Variants in CNTN4 observed in about 807,000 individuals in gnomAD.
CNTN4 encodes the protein contactin-4.
A neutral mutation model predicts 122.5 loss-of-function variants in CNTN4; 77 were observed. The observed-to-expected ratio is 0.63, with a 90% confidence interval of 0.52 to 0.76. The LOEUF is 0.76. Among genes scored for constraint, CNTN4 ranks in the 30% least tolerant of loss-of-function variants. The pLI, the probability that CNTN4 is intolerant of heterozygous loss-of-function variation, is 0.00. For missense variants in CNTN4, 1,256 were observed against 1,259.1 expected (o/e 1.00, Z 0.04); for synonymous variants, 512 against 447.0 (o/e 1.15, Z -1.83).
rs1014291363 is a variant in CNTN4 at position 2,570,703 on chromosome 3, C to T, written c.-88-713C>T. ...CTGCCCACAGCTTCACTCAGTTACT[C>T]ACTTTGTAGCTTTTGGTAAAGGTAA... On this transcript the variant is annotated intron_variant, in intron 3 of 24. Transcript: ENST00000418658. Among the ~76,000 whole-genome samples, 7 of 152,244 alleles carry T rather than the reference C, an allele frequency of 4.6e-5. No individual in the cohort carries two copies. The East Asian group carries it at 1.4e-3, about 29-fold the overall frequency.
At chr3:3,008,160 G>A (rs893790617) in intron 14 of CNTN4, among the ~76,000 whole-genome samples, 1 of 151,680 alleles carries the variant, frequency 6.6e-6, no homozygotes, top group South Asian at 2.1e-4. Context: ...ATTCTTGGGA[G>A]GGATAATTTT....
At chr3:2,657,929 T>C (rs1266047011) in intron 4 of CNTN4, among the ~76,000 whole-genome samples, 4 of 151,198 alleles carry the variant, frequency 2.6e-5, no homozygotes, top group Non-Finnish European at 5.9e-5. Context: ...TATTCCGGCT[T>C]GTTCTGACAC....
intron 6 of CNTN4, among the ~76,000 whole-genome samples, chr3:2,807,642 C>T (rs1467076553): frequency 6.6e-6 from 1 of 152,152 alleles, no homozygotes. Flanking sequence ...TTTGATTTCC[C>T]TAAAATAGCT....
chr3:2,482,956 G>C (rs896644644), intron 3 of CNTN4, among the ~76,000 whole-genome samples: 1 of 152,218 alleles, frequency 6.6e-6, no homozygotes, highest in Non-Finnish European at 1.5e-5. Flanking sequence ...AGTCCCCACT[G>C]TGGCACTGCC....
chr3:2,728,440 C>G (rs1215046557), intron 4 of CNTN4, among the ~76,000 whole-genome samples: 2 of 152,134 alleles, frequency 1.3e-5, no homozygotes, highest in Non-Finnish European at 2.9e-5. Flanking sequence ...CATTGGGTTC[C>G]CCCTTGGTGT....
At chr3:2,126,075 A>G (rs1421422326) in intron 2 of CNTN4, among the ~76,000 whole-genome samples, 1 of 152,128 alleles carries the variant, frequency 6.6e-6, no homozygotes. Context: ...TCCATTGTGT[A>G]TGGAATCCTG....
Position 2,263,895 on chromosome 3 carries a change from C to A in CNTN4, c.-144-75283C>A, listed in dbSNP as rs78902830. 1.3e-4 allele frequency among the ~76,000 whole-genome samples: 17 copies of A among 129,798 alleles called. No individual in the cohort carries two copies. The East Asian group carries it at 3.5e-3, about 26-fold the overall frequency. The allele number at this position is 129,798 out of a possible 152,430, so 85.2% of individuals were successfully genotyped here. A position where few individuals can be genotyped will look rare whatever the true frequency, so the allele number is the denominator to read the frequency against. On this transcript the variant is annotated intron_variant, in intron 2 of 24. Coordinates refer to ENST00000418658, the MANE Select transcript of CNTN4 (RefSeq NM_175607.3). ...ATATGTGTTGTCTTTTTGTGCCTGG[C>A]TTATTTTACTTAACATAATGACCTC...
chr3:2,746,622 G>A (rs2089782702), intron 6 of CNTN4, among the ~76,000 whole-genome samples: 1 of 152,230 alleles, frequency 6.6e-6, no homozygotes, highest in African/African-American at 2.4e-5. Context: ...CATAAAGTCT[G>A]CTGGCAGTAA....
intron 14 of CNTN4, among the ~76,000 whole-genome samples, chr3:2,998,668 A>T (rs952396136): frequency 1.3e-5 from 2 of 152,160 alleles, no homozygotes; most frequent in Non-Finnish European, 2.9e-5. Flanking sequence ...AGTCAAGGTA[A>T]TCCCAGGAAA....
intron 4 of CNTN4, among the ~76,000 whole-genome samples, chr3:2,729,374 C>CT (rs1206274168): frequency 6.7e-6 from 1 of 149,480 alleles, no homozygotes; most frequent in Non-Finnish European, 1.5e-5. Flanking sequence ...ACCATCCCGG[C>CT]TAACACAAAA....
intron 3 of CNTN4, among the ~76,000 whole-genome samples, chr3:2,429,671 C>A (rs931949269): frequency 1.3e-5 from 2 of 152,176 alleles, no homozygotes; most frequent in Non-Finnish European, 2.9e-5. Context: ...CTGTGCCATG[C>A]CCCGAAGAGT....
At chr3:2,819,661 C>T in intron 7 of CNTN4, 80 bp downstream of exon 7, 2 of 1,048,610 alleles carry the variant, frequency 1.9e-6, no homozygotes, top group Non-Finnish European at 3.0e-6. Context: ...CTGACACCAG[C>T]TGAGTGCACA....
At chr3:2,481,418 G>GGT (rs1234684390) in intron 3 of CNTN4, among the ~76,000 whole-genome samples, 1 of 152,122 alleles carries the variant, frequency 6.6e-6, no homozygotes, top group Non-Finnish European at 1.5e-5. Flanking sequence ...TGGGATTACA[G>GGT]GTGTGAGCCA....
intron 13 of CNTN4, among the ~76,000 whole-genome samples, chr3:2,928,505 G>A (rs1200061026): frequency 6.6e-6 from 1 of 152,128 alleles, no homozygotes; most frequent in East Asian, 1.9e-4. Context: ...CCAACATGAA[G>A]TGCAAAATTC....
intron 3 of CNTN4, among the ~76,000 whole-genome samples, chr3:2,466,970 C>CTTTTTTTTTTTTTTTTTTTTA (rs60879017): frequency 8.6e-6 from 1 of 115,812 alleles, no homozygotes; most frequent in Non-Finnish European, 1.7e-5. Flanking sequence ...TTCTTTCTTT[C>CTTTTTTTTTTTTTTTTTTTTA]TTTTTTTTTT....
At chr3:2,476,113 C>T (rs2075827184) in intron 3 of CNTN4, among the ~76,000 whole-genome samples, 1 of 152,116 alleles carries the variant, frequency 6.6e-6, no homozygotes, top group Non-Finnish European at 1.5e-5. Context: ...GACTGGTGGG[C>T]CAGAGGACTC....
intron 2 of CNTN4, among the ~76,000 whole-genome samples, chr3:2,238,631 A>T (rs1454838340): frequency 1.3e-5 from 2 of 151,232 alleles, no homozygotes; most frequent in Non-Finnish European, 2.9e-5. Context: ...GTATTTTGCT[A>T]TGTTAAAAAT....
At chr3:2,545,908 T>C (rs564624329) in intron 3 of CNTN4, among the ~76,000 whole-genome samples, 12 of 151,892 alleles carry the variant, frequency 7.9e-5, no homozygotes, top group Non-Finnish European at 1.5e-4. Flanking sequence ...AACAACCTTA[T>C]GAAAAAATGC....
intron 6 of CNTN4, among the ~76,000 whole-genome samples, chr3:2,777,630 C>G (rs561646916): frequency 6.6e-6 from 1 of 152,252 alleles, no homozygotes; most frequent in South Asian, 2.1e-4. Flanking sequence ...TTCTGCCACA[C>G]AGCATGTAAC....
Sources: gnomAD v4.1 joint callset for allele counts (sites outside exome capture counted in the v4.1 genomes callset) on GRCh38, gnomAD v4.1.1 for gene constraint, MANE v1.5 for transcripts, NCBI Gene and HGNC (gene_info 2026-07-23, HGNC 2026-07-21) for gene names.